SLIT2: variants seen among roughly 807,000 people sequenced by gnomAD.
The protein encoded by SLIT2 is slit guidance ligand 2.
In SLIT2, 41 loss-of-function variants were observed where a neutral mutation model predicts 185.7. That is an observed-to-expected ratio of 0.22 (90% CI 0.17 to 0.29). The LOEUF (loss-of-function observed/expected upper bound fraction) is 0.29. SLIT2 is among the 10% of genes least tolerant of loss of function. The pLI is 1.00. For missense variants in SLIT2, 1,571 were observed against 1,909.0 expected (o/e 0.82, Z 3.30); for synonymous variants, 693 against 680.2 (o/e 1.02, Z -0.29).
chr4:20,378,702 C>T (rs1046124575), intron 4 of SLIT2, among the ~76,000 whole-genome samples: 1 of 152,082 alleles, frequency 6.6e-6, no homozygotes, highest in African/African-American at 2.4e-5. Flanking sequence ...AACAGTTAGC[C>T]AGTTTCTTAC....
chr4:20,268,592 C>T (rs150239433), intron 3 of SLIT2, among the ~76,000 whole-genome samples: 10 of 151,918 alleles, frequency 6.6e-5, no homozygotes, highest in African/African-American at 2.4e-4. Context: ...AAAGTTTAGA[C>T]CCCAGTAATC....
At chr4:20,477,391 G>A (rs917558907) in intron 5 of SLIT2, among the ~76,000 whole-genome samples, 3 of 151,866 alleles carry the variant, frequency 2.0e-5, no homozygotes, top group East Asian at 1.9e-4. Context: ...TAGAGATGGG[G>A]TTTCACCATG....
intron 4 of SLIT2, among the ~76,000 whole-genome samples, chr4:20,305,615 A>G (rs1469055381): frequency 5.9e-5 from 9 of 151,812 alleles, no homozygotes; most frequent in African/African-American, 2.2e-4. Context: ...GCTCATGCCT[A>G]TAATCCCAGC....
chr4:20,270,980 A>T (rs1471732884), intron 4 of SLIT2, among the ~76,000 whole-genome samples: 2 of 151,690 alleles, frequency 1.3e-5, no homozygotes, highest in African/African-American at 4.9e-5. Flanking sequence ...GGTGATAATT[A>T]ATTAAATTAA....
intron 11 of SLIT2, among the ~76,000 whole-genome samples, chr4:20,519,170 T>A (rs531901871): frequency 5.9e-5 from 9 of 152,326 alleles, no homozygotes; most frequent in African/African-American, 1.9e-4. Context: ...ATGTTCTTTA[T>A]TTTTCTGTTT....
At chr4:20,255,929 A>G (rs1711775632) in intron 1 of SLIT2, among the ~76,000 whole-genome samples, 1 of 152,196 alleles carries the variant, frequency 6.6e-6, no homozygotes, top group Non-Finnish European at 1.5e-5. Flanking sequence ...GAACCAGGGC[A>G]AGTTTAGATC....
intron 25 of SLIT2, among the ~76,000 whole-genome samples, chr4:20,553,087 A>G (rs1047017586): frequency 1.3e-5 from 2 of 152,198 alleles, no homozygotes; most frequent in Non-Finnish European, 2.9e-5. Flanking sequence ...AAAGTGACAG[A>G]CAGCACCCAG....
At chr4:20,369,258 A>G (rs146883988) in intron 4 of SLIT2, among the ~76,000 whole-genome samples, 30 of 151,892 alleles carry the variant, frequency 2.0e-4, no homozygotes, top group African/African-American at 7.0e-4. Flanking sequence ...GTTGCCTGGT[A>G]TCTTGTGTTC....
intron 4 of SLIT2, among the ~76,000 whole-genome samples, chr4:20,377,597 C>T (rs1261469676): frequency 1.3e-5 from 2 of 152,122 alleles, no homozygotes; most frequent in Non-Finnish European, 2.9e-5. Context: ...TAAACTTACT[C>T]AGCCCCTCTG....
At chr4:20,555,836 T>G (rs575088) in intron 26 of SLIT2, among the ~76,000 whole-genome samples, 53,439 of 151,688 alleles carry the variant, frequency 0.35, 10,332 homozygotes, top group East Asian at 0.8. Flanking sequence ...AAGATCCCCC[T>G]TAATATATTG....
intron 11 of SLIT2, among the ~76,000 whole-genome samples, chr4:20,511,778 T>C (rs1041394174): frequency 4.4e-4 from 67 of 151,854 alleles, no homozygotes; most frequent in African/African-American, 1.6e-3. Context: ...GGAAAGCATG[T>C]AGCTAGTATC....
At chr4:20,453,605 A>ATT (rs1712720810) in intron 4 of SLIT2, among the ~76,000 whole-genome samples, 1 of 152,200 alleles carries the variant, frequency 6.6e-6, no homozygotes, top group African/African-American at 2.4e-5. Context: ...AGAAGTTTAA[A>ATT]AGAGAAAGAA....
At chr4:20,518,577 A>ATATATATATATATATATC (rs1720493830) in intron 11 of SLIT2, among the ~76,000 whole-genome samples, 1 of 22,252 alleles carries the variant, frequency 4.5e-5, no homozygotes, top group Non-Finnish European at 7.7e-5. Context: ...ATATATATAT[A>ATATATATATATATATATC]TATATATATA....
chr4:20,518,530 G>T (rs1338931215), intron 11 of SLIT2, among the ~76,000 whole-genome samples: 2 of 104,300 alleles, frequency 1.9e-5, no homozygotes, highest in Middle Eastern at 8.3e-3. Flanking sequence ...GGGATTACAG[G>T]CATGAGCCAC....
Position 20,529,740 on chromosome 4 carries a change from C to T in SLIT2, c.1613+641C>T, listed in dbSNP as rs189377380. On this transcript the variant is annotated intron_variant, in intron 16 of 36. Transcript: ENST00000504154. ...GATTCTATGCCCATGCATGGTTTGC[C>T]TTTACTGACTTTATTTATAAGAAGA... Among the ~76,000 whole-genome samples the T allele has an allele frequency of 1.6e-4, 24 of 152,218 alleles. No individual in the cohort carries two copies. In the East Asian group the frequency reaches 4.6e-3, roughly 29 times the overall value.
chr4:20,303,746 C>G (rs1401850304), intron 4 of SLIT2, among the ~76,000 whole-genome samples: 1 of 152,166 alleles, frequency 6.6e-6, no homozygotes, highest in Non-Finnish European at 1.5e-5. Context: ...GTGGGTGCCT[C>G]ATAGCAGAGT....
intron 26 of SLIT2, among the ~76,000 whole-genome samples, chr4:20,565,297 T>G (rs1725002431): frequency 6.6e-6 from 1 of 151,976 alleles, no homozygotes; most frequent in African/African-American, 2.4e-5. Flanking sequence ...ACTTGCTGTT[T>G]TGCTGGCATA....
intron 3 of SLIT2, among the ~76,000 whole-genome samples, chr4:20,265,655 A>C (rs752434776): frequency 2.0e-5 from 3 of 151,680 alleles, no homozygotes; most frequent in African/African-American, 4.8e-5. Flanking sequence ...ATATATTTTC[A>C]GTTTTTTTTT....
rs766417502 is a variant in SLIT2 at position 20,617,454 on chromosome 4, C to A, written c.4152C>A (p.Thr1384=). 1.9e-6 allele frequency: 3 copies of A among 1,614,092 alleles called. No individual in the cohort carries two copies. The highest frequency in any genetic ancestry group is 2.5e-6 in the Non-Finnish European group (3 of 1,179,992). ...PCLGNKCVHG[T]CLPINAFSYS... is the part of the protein sequence containing the mutation. The stretch of plus-strand genomic sequence containing the variant: ...CTCCCTGTAGATGCGTACATGGCAC[C>A]TGCTTGCCCATCAATGCGTTCTCCT... The change falls in exon 36 of 37, where the codon ACC becomes ACA. Residue 1384 remains threonine (T), a synonymous_variant. Transcript: ENST00000504154.
Sources: allele counts gnomAD v4.1 joint callset (sites outside exome capture counted in the v4.1 genomes callset), GRCh38; gene constraint gnomAD v4.1.1; transcripts MANE v1.5; gene names NCBI Gene and HGNC (gene_info 2026-07-23, HGNC 2026-07-21).